DHX32: variants seen among roughly 807,000 people sequenced by gnomAD.
The protein encoded by DHX32 is DEAH-box helicase 32 (putative), also known as putative pre-mRNA-splicing factor ATP-dependent RNA helicase DHX32.
In DHX32, 51 loss-of-function variants were observed where a neutral mutation model predicts 70.0. The observed-to-expected ratio is 0.73, with a 90% CI of 0.58 to 0.92. DHX32 has a LOEUF of 0.92. Ranked by LOEUF, DHX32 falls within the 40% of genes least tolerant of loss-of-function variation. The pLI is 0.00. For synonymous variants in DHX32, 310 were observed against 315.3 expected (o/e 0.98, Z 0.18); for missense variants, 762 against 891.8 (o/e 0.85, Z 1.85).
At chr10:125,851,634 G>A (rs1050205524) in intron 6 of DHX32, among the ~76,000 whole-genome samples, 1 of 152,186 alleles carries the variant, frequency 6.6e-6, no homozygotes, top group African/African-American at 2.4e-5. Context: ...ATGACTGGAG[G>A]AGACTAGAAT....
chr10:125,841,332 T>A, intron 7 of DHX32: 3 of 1,614,148 alleles, frequency 1.9e-6, no homozygotes, highest in Non-Finnish European at 2.5e-6. Context: ...AGCACAATGG[T>A]TGGTCTGTTC....
At chr10:125,848,858 A>C (rs373099383) in intron 6 of DHX32, among the ~76,000 whole-genome samples, 21 of 152,328 alleles carry the variant, frequency 1.4e-4, no homozygotes, top group East Asian at 1.4e-3. Context: ...TAATAACTCT[A>C]TGAACCAATT....
chr10:125,859,212 G>C (rs1944169289), intron 3 of DHX32, among the ~76,000 whole-genome samples: 1 of 152,078 alleles, frequency 6.6e-6, no homozygotes, highest in Non-Finnish European at 1.5e-5. Flanking sequence ...TAATAGTCCT[G>C]ATCTCCAACA....
chr10:125,853,475 C>A, intron 4 of DHX32: 1 of 253,304 alleles, frequency 3.9e-6, no homozygotes. Context: ...AAAATTTTAT[C>A]GTCAATTATA....
chr10:125,882,495 C>G (rs192416233), upstream of DHX32, among the ~76,000 whole-genome samples: 1 of 152,040 alleles, frequency 6.6e-6, no homozygotes, highest in African/African-American at 2.4e-5. Flanking sequence ...GATGAGTAAA[C>G]TAGGCACTAG....
At chr10:125,851,920 C>CA (rs56380138) in intron 6 of DHX32, among the ~76,000 whole-genome samples, 4,208 of 86,592 alleles carry the variant, frequency 0.049, 110 homozygotes, top group African/African-American at 0.093. Flanking sequence ...GACCCTGTCT[C>CA]AAAAAAAAAA....
intron 3 of DHX32, among the ~76,000 whole-genome samples, chr10:125,859,246 A>G (rs985437205): frequency 2.0e-5 from 3 of 152,120 alleles, no homozygotes; most frequent in African/African-American, 7.2e-5. Flanking sequence ...ACAGGGAGGC[A>G]GTGGAGAATG....
intron 9 of DHX32, among the ~76,000 whole-genome samples, 197 bp from the exon 10 acceptor site, chr10:125,838,584 T>C (rs189947541): frequency 1.6e-4 from 25 of 152,322 alleles, no homozygotes; most frequent in Non-Finnish European, 2.6e-4. Context: ...ACAGTGATGT[T>C]AACTAACTTC....
At chr10:125,857,088 G>T (rs1336607780) in intron 3 of DHX32, among the ~76,000 whole-genome samples, 1 of 152,222 alleles carries the variant, frequency 6.6e-6, no homozygotes, top group African/African-American at 2.4e-5. Context: ...GCATCAAATA[G>T]CATGGGGGGA....
At chr10:125,892,120 T>G (rs1337546870) in intron 1 of DHX32, among the ~76,000 whole-genome samples, 6 of 151,996 alleles carry the variant, frequency 3.9e-5, no homozygotes, top group Non-Finnish European at 8.8e-5. Context: ...AATTTTTTTC[T>G]TCTTTAGAGT....
At position 125,854,348 on chromosome 10, in the gene DHX32, TTAAA is replaced by T. The variant is rs1164715067; in HGVS notation, c.850-149_850-146del. 6 of 674,286 alleles carry T rather than the reference TTAAA, an allele frequency of 8.9e-6. No homozygotes were observed. In the African/African-American group the frequency reaches 1.1e-4, roughly 12 times the overall value. 41.8% of individuals were successfully genotyped at this position (674,286 alleles called of 1,614,324 possible). ...CCTGTGTTGCTGCCTACATGTATCT[TTAAA>T]TAAGTAAAGATGCACCTAAATGAGA... On this transcript the variant is annotated intron_variant, in intron 3 of 10. Coordinates refer to ENST00000284690, the MANE Select transcript of DHX32 (RefSeq NM_018180.3).
intron 6 of DHX32, among the ~76,000 whole-genome samples, chr10:125,847,520 G>A (rs1944037150): frequency 6.6e-6 from 1 of 152,174 alleles, no homozygotes; most frequent in South Asian, 2.1e-4. Flanking sequence ...TGTGTGCCAG[G>A]TACATGCATT....
At chr10:125,847,837 GCATGTGCAGTT>G (rs989530801) in intron 6 of DHX32, among the ~76,000 whole-genome samples, 1 of 152,060 alleles carries the variant, frequency 6.6e-6, no homozygotes, top group Non-Finnish European at 1.5e-5. Flanking sequence ...TAGATCCCTG[GCATGTGCAGTT>G]CATAATAGGG....
rs184527833 is a variant in DHX32, at chr10:125,845,041, G to C, written c.1352-3107C>G. Reference sequence around the variant, plus strand: ...GCATTTTCCTTCCTTGGCATCAGTAGAAAACCTAGTTACAAAGAGGTCATT... The same window carrying C: ...GCATTTTCCTTCCTTGGCATCAGTACAAAACCTAGTTACAAAGAGGTCATT... On this transcript the variant is annotated intron_variant, in intron 6 of 10. Coordinates refer to ENST00000284690, the MANE Select transcript of DHX32 (RefSeq NM_018180.3). 2.6e-5 allele frequency among the ~76,000 whole-genome samples: 4 copies of C among 152,334 alleles called. No homozygotes were observed. In the East Asian group the frequency reaches 7.7e-4, roughly 29 times the overall value.
At chr10:125,847,609 G>A (rs1944037951) in intron 6 of DHX32, among the ~76,000 whole-genome samples, 1 of 152,218 alleles carries the variant, frequency 6.6e-6, no homozygotes, top group African/African-American at 2.4e-5. Flanking sequence ...AGAGGGTGGA[G>A]AGGATGGTTG....
chr10:125,860,347 C>A (rs901343175), intron 2 of DHX32, among the ~76,000 whole-genome samples: 13 of 152,150 alleles, frequency 8.5e-5, no homozygotes, highest in Admixed American at 3.3e-4. Flanking sequence ...TTTTTCCTCT[C>A]GAATTCATCA....
At chr10:125,884,473 TATC>T (rs1944332658), upstream of DHX32, among the ~76,000 whole-genome samples, 1 of 152,262 alleles carries the variant, frequency 6.6e-6, no homozygotes, top group African/African-American at 2.4e-5. Context: ...CTTTCAAAGC[TATC>T]ATACATGTAT....
intron 1 of DHX32, among the ~76,000 whole-genome samples, chr10:125,868,522 G>A (rs1338167796): frequency 6.6e-6 from 1 of 152,150 alleles, no homozygotes; most frequent in Non-Finnish European, 1.5e-5. Context: ...AAATTCCTAA[G>A]GACTGAAAGG....
chr10:125,861,042 G>A (rs1944184927), intron 2 of DHX32, among the ~76,000 whole-genome samples: 1 of 151,478 alleles, frequency 6.6e-6, no homozygotes, highest in Admixed American at 6.6e-5. Context: ...GTGAGCCACC[G>A]CGCCCGGCCC....
Sources: allele counts gnomAD v4.1 joint callset (sites outside exome capture counted in the v4.1 genomes callset), GRCh38; gene constraint gnomAD v4.1.1; transcripts MANE v1.5; gene names NCBI Gene and HGNC (gene_info 2026-07-23, HGNC 2026-07-21).